PPP1R7: variants seen among roughly 807,000 people sequenced by gnomAD.
PPP1R7 encodes the protein protein phosphatase 1 regulatory subunit 22.
Under a neutral mutation model 45.2 loss-of-function variants are expected in PPP1R7, and 18 were observed. The observed-to-expected ratio is 0.40, with a 90% CI of 0.28 to 0.59. The LOEUF (loss-of-function observed/expected upper bound fraction) is 0.59. Among genes scored for constraint, PPP1R7 ranks in the 20% least tolerant of loss-of-function variants. The pLI, the probability that PPP1R7 is intolerant of heterozygous loss-of-function variation, is 0.46. For synonymous variants in PPP1R7, 181 were observed against 183.4 expected, an observed-to-expected ratio of 0.99 and a Z score of 0.11; for missense variants, 314 against 455.8, an observed-to-expected ratio of 0.69 and a Z score of 2.83.
chr2:241,171,649 A>G (rs1190832903), intron 9 of PPP1R7, among the ~76,000 whole-genome samples: 1 of 152,252 alleles, frequency 6.6e-6, no homozygotes, highest in Non-Finnish European at 1.5e-5. Context: ...CCTTCCAACT[A>G]TAATTGTCAA....
intron 1 of PPP1R7, among the ~76,000 whole-genome samples, chr2:241,152,099 G>T (rs1466498022): frequency 6.6e-6 from 1 of 152,228 alleles, no homozygotes; most frequent in South Asian, 2.1e-4. Context: ...ACCACCAAGT[G>T]ACCTGTGCCT....
upstream of PPP1R7, chr2:241,150,038 G>C: frequency 7.3e-7 from 1 of 1,371,998 alleles, no homozygotes; most frequent in East Asian, 2.9e-5. Context: ...AGCCAGCGAG[G>C]CTCGCAGAGG....
At chr2:241,168,835 G>T (rs545702555) in intron 8 of PPP1R7, among the ~76,000 whole-genome samples, 1 of 152,198 alleles carries the variant, frequency 6.6e-6, no homozygotes, top group African/African-American at 2.4e-5. Flanking sequence ...AGGGGAGATG[G>T]GGGGAGGAGT....
intron 9 of PPP1R7, among the ~76,000 whole-genome samples, chr2:241,172,718 G>A (rs980276042): frequency 1.3e-5 from 2 of 150,776 alleles, no homozygotes; most frequent in South Asian, 4.2e-4. Flanking sequence ...TTATTCTTTC[G>A]TGTGGATCTG....
chr2:241,152,142 T>C (rs1236449178), intron 1 of PPP1R7, among the ~76,000 whole-genome samples: 3 of 152,258 alleles, frequency 2.0e-5, no homozygotes, highest in African/African-American at 7.2e-5. Context: ...ATCTACTGCA[T>C]GTCATGCACG....
At chr2:241,165,106 C>T (rs2067676966) in intron 7 of PPP1R7, among the ~76,000 whole-genome samples, 1 of 152,120 alleles carries the variant, frequency 6.6e-6, no homozygotes, top group South Asian at 2.1e-4. Context: ...GTAATTTTTA[C>T]ACTTTAAAAT....
At chr2:241,174,908 C>T (rs2067884251) in intron 9 of PPP1R7, among the ~76,000 whole-genome samples, 1 of 152,140 alleles carries the variant, frequency 6.6e-6, no homozygotes, top group South Asian at 2.1e-4. Flanking sequence ...ATCTCCTGAC[C>T]TCATGATCCG....
At chr2:241,152,167 G>A (rs11677056) in intron 1 of PPP1R7, among the ~76,000 whole-genome samples, 1 of 152,184 alleles carries the variant, frequency 6.6e-6, no homozygotes, top group Admixed American at 6.5e-5. Flanking sequence ...AACTGCTCTT[G>A]TGCCTTTTCT....
At chr2:241,171,215 AC>A (rs1259995498) in intron 9 of PPP1R7, among the ~76,000 whole-genome samples, 1 of 152,196 alleles carries the variant, frequency 6.6e-6, no homozygotes, top group African/African-American at 2.4e-5. Context: ...CAACCTGGGT[AC>A]CACAGCTAGC....
chr2:241,159,422 T>TCCTGCTG, intron 5 of PPP1R7, 79 bp downstream of exon 5: 2 of 1,541,608 alleles, frequency 1.3e-6, no homozygotes, highest in South Asian at 2.3e-5. Context: ...AGAGCCAACC[T>TCCTGCTG]CCTGCTGGCT....
At chr2:241,152,392 A>G (rs2067343968) in intron 1 of PPP1R7, among the ~76,000 whole-genome samples, 1 of 152,210 alleles carries the variant, frequency 6.6e-6, no homozygotes, top group Non-Finnish European at 1.5e-5. Context: ...GCAGGGGAGA[A>G]TAGGTTAAGC....
chr2:241,153,376 T>C, intron 1 of PPP1R7, 100 bp from the exon 2 acceptor site: 2 of 1,498,100 alleles, frequency 1.3e-6, no homozygotes, highest in Non-Finnish European at 1.8e-6. Flanking sequence ...AACAAACATG[T>C]TTAAATGAAA....
intron 1 of PPP1R7, 101 bp downstream of exon 1, chr2:241,150,648 T>C (rs1051202729): frequency 1.5e-6 from 2 of 1,316,962 alleles, no homozygotes; most frequent in Non-Finnish European, 2.0e-6. Context: ...GTCCTGCCTC[T>C]GGCCGCCGCC....
At chr2:241,149,929 C>T (rs1267264834), upstream of PPP1R7, 2 of 1,429,912 alleles carry the variant, frequency 1.4e-6, no homozygotes, top group African/African-American at 2.9e-5. Context: ...CCGCCTGCTC[C>T]GAGCGTCAAG....
intron 1 of PPP1R7, among the ~76,000 whole-genome samples, chr2:241,152,729 C>G (rs1300466061): frequency 1.3e-5 from 2 of 152,164 alleles, no homozygotes; most frequent in Admixed American, 1.3e-4. Context: ...GTTTTCCAGA[C>G]AGACTTCCAA....
chr2:241,160,638 A>C, intron 6 of PPP1R7, 144 bp downstream of exon 6: 1 of 816,558 alleles, frequency 1.2e-6, no homozygotes, highest in Non-Finnish European at 1.8e-6. Context: ...GGAAATTACT[A>C]TTTTTTTAAG....
At position 241,163,405 on chromosome 2, in the gene PPP1R7, C is replaced by T. The variant is rs746375627; in HGVS notation, c.714+4C>T. ...CCTGACAGTCCTCAGTATGCAGGTA[C>T]GGAGCTTCCTGAGCCGCCCTTCCCT... is the stretch of plus-strand genomic sequence containing the variant. On this transcript the variant is annotated splice_donor_region_variant and intron_variant, in intron 7 of 9. Coordinates refer to ENST00000234038, the MANE Select transcript of PPP1R7 (RefSeq NM_002712.3). 4.4e-6 allele frequency: 7 copies of T among 1,596,476 alleles called. No homozygotes were observed. The highest frequency in any genetic ancestry group is 1.7e-4 in the Middle Eastern group (1 of 6,052).
chr2:241,152,184 A>C (rs2067336773), intron 1 of PPP1R7, among the ~76,000 whole-genome samples: 1 of 152,160 alleles, frequency 6.6e-6, no homozygotes, highest in Admixed American at 6.5e-5. Flanking sequence ...TTCTAATTTA[A>C]CCGTGACAGC....
In PPP1R7 at chr2:241,163,274, C is replaced by T. The variant is rs754592968; in HGVS notation, c.598-11C>T. The T allele has an allele frequency of 1.9e-6, 3 of 1,589,098 alleles. No individual in the cohort carries two copies. Among genetic ancestry groups the T allele is most frequent in the South Asian group, 2.2e-5 (2 of 90,454 alleles). On this transcript the variant is annotated splice_polypyrimidine_tract_variant and intron_variant, in intron 6 of 9. Coordinates refer to ENST00000234038, the MANE Select transcript of PPP1R7 (RefSeq NM_002712.3). ...ACTGCAGTACTCATTGCTGTTCTGTCCTTTCCACAGGCAATCGAAAATATC... is the reference window on the plus strand; with the variant it reads ...ACTGCAGTACTCATTGCTGTTCTGTTCTTTCCACAGGCAATCGAAAATATC...
Sources: allele counts gnomAD v4.1 joint callset (sites outside exome capture counted in the v4.1 genomes callset), GRCh38; gene constraint gnomAD v4.1.1; transcripts MANE v1.5; gene names NCBI Gene and HGNC (gene_info 2026-07-23, HGNC 2026-07-21).